BAZ2B: variants seen among roughly 807,000 people sequenced by gnomAD.
The protein encoded by BAZ2B is bromodomain adjacent to zinc finger domain 2B.
Under a neutral mutation model 246.0 loss-of-function variants are expected in BAZ2B, and 91 were observed. That is an observed-to-expected ratio of 0.37 (90% confidence interval 0.31 to 0.44). BAZ2B has a LOEUF of 0.44. Ranked by LOEUF, BAZ2B falls within the 20% of genes least tolerant of loss-of-function variation. The probability of loss-of-function intolerance (pLI) is 1.00; values close to 1 mark genes in which losing one functional copy is unlikely to be tolerated. For missense variants in BAZ2B, 2,332 were observed against 2,533.7 expected, an observed-to-expected ratio of 0.92 and a Z score of 1.71; for synonymous variants, 855 against 860.0, an observed-to-expected ratio of 0.99 and a Z score of 0.10.
At chr2:159,548,886 A>G (rs2151428577) in intron 2 of BAZ2B, among the ~76,000 whole-genome samples, 1 of 152,336 alleles carries the variant, frequency 6.6e-6, no homozygotes, top group South Asian at 2.1e-4. Flanking sequence ...AAAATAACTC[A>G]TCACTAGGTA....
chr2:159,333,412 A>G (rs958338522), intron 33 of BAZ2B, among the ~76,000 whole-genome samples: 2 of 152,174 alleles, frequency 1.3e-5, no homozygotes, highest in Non-Finnish European at 2.9e-5. Context: ...ATTTTCTAAT[A>G]TAATTAAAGA....
At position 159,456,061 on chromosome 2, in the gene BAZ2B, C is replaced by G. The variant is rs944412829; in HGVS notation, c.146-2260G>C. Among the ~76,000 whole-genome samples, 4 of 151,732 alleles carry G rather than the reference C, an allele frequency of 2.6e-5. No individual in the cohort carries two copies. In the East Asian group the frequency reaches 7.7e-4, roughly 29 times the overall value. On this transcript the variant is annotated intron_variant, in intron 3 of 36. Transcript: ENST00000392783. The stretch of plus-strand genomic sequence containing the variant: ...TCTGTAATTTATGTTTTACAAATAA[C>G]AATTCCTAAATTATATCAATTACAT...
the BAZ2B span, among the ~76,000 whole-genome samples, chr2:159,696,210 T>A: frequency 1.3e-5 from 2 of 152,220 alleles, no homozygotes; most frequent in African/African-American, 4.8e-5. Flanking sequence ...ACTTCTTCTT[T>A]TCTGTGAACA....
At chr2:159,424,645 G>A (rs2069437397) in intron 13 of BAZ2B, among the ~76,000 whole-genome samples, 1 of 152,098 alleles carries the variant, frequency 6.6e-6, no homozygotes, top group Non-Finnish European at 1.5e-5. Context: ...GTTTTAATAG[G>A]AGAGTGATTA....
intron 27 of BAZ2B, among the ~76,000 whole-genome samples, chr2:159,359,806 G>T (rs2059493348): frequency 6.6e-6 from 1 of 151,962 alleles, no homozygotes; most frequent in Admixed American, 6.6e-5. Flanking sequence ...TCAACACATG[G>T]AAATCAATAA....
chr2:159,325,965 T>TGGCTC, intron 34 of BAZ2B, 47 bp from the exon 35 acceptor site: 3 of 1,431,638 alleles, frequency 2.1e-6, no homozygotes, highest in Non-Finnish European at 2.8e-6. Context: ...AGTGACTGTC[T>TGGCTC]ACAGACCTAT....
intron 2 of BAZ2B, among the ~76,000 whole-genome samples, chr2:159,531,754 A>G (rs116006478): frequency 6.3e-4 from 96 of 152,240 alleles, no homozygotes; most frequent in African/African-American, 2.2e-3. Context: ...TCACCTTGAC[A>G]TCACCTTTGT....
At chr2:159,434,784 T>C (rs1308625769) in intron 8 of BAZ2B, 1 of 152,138 alleles carries the variant, frequency 6.6e-6, no homozygotes, top group African/African-American at 2.4e-5. Context: ...TACTTTAGTG[T>C]GCCTTTGCAC....
At chr2:159,596,354 A>G (rs1690704870) in intron 1 of BAZ2B, among the ~76,000 whole-genome samples, 1 of 152,212 alleles carries the variant, frequency 6.6e-6, no homozygotes, top group African/African-American at 2.4e-5. Context: ...ATTTTTATAA[A>G]AATATGCGTG....
intron 2 of BAZ2B, among the ~76,000 whole-genome samples, chr2:159,538,058 C>T (rs1048129786): frequency 3.3e-5 from 5 of 151,978 alleles, no homozygotes; most frequent in Admixed American, 2.6e-4. Flanking sequence ...GTGCAGTGGC[C>T]CGATCTTGGC....
chr2:159,508,497 T>G (rs961502465), intron 2 of BAZ2B, among the ~76,000 whole-genome samples: 4 of 152,198 alleles, frequency 2.6e-5, no homozygotes, highest in African/African-American at 9.6e-5. Context: ...TCCCAAAAGA[T>G]TTCTCCAAGT....
the BAZ2B span, among the ~76,000 whole-genome samples, chr2:159,632,857 GTTGTT>G: frequency 1.3e-5 from 2 of 152,130 alleles, no homozygotes; most frequent in South Asian, 4.1e-4. Context: ...ATATACTTTT[GTTGTT>G]TTATGTTCCT....
At chr2:159,621,827 C>T in the BAZ2B span, among the ~76,000 whole-genome samples, 11 of 151,756 alleles carry the variant, frequency 7.2e-5, no homozygotes, top group Admixed American at 2.0e-4. Context: ...AGCTAGGTGC[C>T]GGGTATGGTA....
the BAZ2B span, among the ~76,000 whole-genome samples, chr2:159,675,965 G>A: frequency 8.6e-5 from 13 of 152,010 alleles, no homozygotes; most frequent in African/African-American, 3.1e-4. Context: ...GTGCGATCTA[G>A]GCTCACTGCA....
intron 2 of BAZ2B, among the ~76,000 whole-genome samples, chr2:159,510,282 G>C (rs1028026481): frequency 1.3e-5 from 2 of 151,968 alleles, no homozygotes; most frequent in Non-Finnish European, 1.5e-5. Flanking sequence ...TCCTGTGTTC[G>C]AGGCCTGAGT....
chr2:159,439,269 A>C (rs2072952604), intron 6 of BAZ2B, 57 bp from the exon 7 acceptor site: 1 of 1,413,058 alleles, frequency 7.1e-7, no homozygotes, highest in Admixed American at 2.0e-5. Context: ...TTCAAGTTTC[A>C]ATAAAAGGTG....
At chr2:159,464,163 T>A (rs992797010) in intron 3 of BAZ2B, 1 of 152,132 alleles carries the variant, frequency 6.6e-6, no homozygotes, top group African/African-American at 2.4e-5. Context: ...GAAATTAACC[T>A]TGATTAACTA....
intron 1 of BAZ2B, among the ~76,000 whole-genome samples, chr2:159,572,376 G>T (rs2151573588): frequency 6.6e-6 from 1 of 152,322 alleles, no homozygotes; most frequent in South Asian, 2.1e-4. Context: ...GCTGGCATCT[G>T]AAGTGGGGAC....
intron 27 of BAZ2B, among the ~76,000 whole-genome samples, chr2:159,351,412 C>T (rs1292197763): frequency 6.6e-6 from 1 of 151,922 alleles, no homozygotes; most frequent in East Asian, 1.9e-4. Flanking sequence ...ATAAACAATG[C>T]TGTAAATAAT....
Sources: allele counts gnomAD v4.1 joint callset (sites outside exome capture counted in the v4.1 genomes callset), GRCh38; gene constraint gnomAD v4.1.1; transcripts MANE v1.5; gene names NCBI Gene and HGNC (gene_info 2026-07-23, HGNC 2026-07-21).